The following NOL4L variants were observed in gnomAD, a reference collection of about 807,000 sequenced individuals.
NOL4L encodes the protein nucleolar protein 4-like.
NOL4L carries 7 observed loss-of-function variants against 64.5 expected under a neutral mutation model. That is an observed-to-expected ratio of 0.11 (90% CI 0.06 to 0.20). The LOEUF is 0.20. Ranked by LOEUF, NOL4L falls within the 10% of genes least tolerant of loss-of-function variation. The pLI, the probability that NOL4L is intolerant of heterozygous loss-of-function variation, is 1.00. For synonymous variants in NOL4L, 413 were observed against 401.0 expected, an observed-to-expected ratio of 1.03 and a Z score of -0.36; for missense variants, 680 against 967.1, an observed-to-expected ratio of 0.70 and a Z score of 3.94.
intron 4 of NOL4L, among the ~76,000 whole-genome samples, chr20:32,497,274 T>C (rs1164728743): frequency 2.5e-5 from 3 of 120,542 alleles, no homozygotes; most frequent in African/African-American, 6.4e-5. Context: ...CTCCTGGAGC[T>C]GCTCTTTGCT....
chr20:32,477,029 G>A (rs1204599312), intron 4 of NOL4L, among the ~76,000 whole-genome samples: 1 of 152,194 alleles, frequency 6.6e-6, no homozygotes, highest in African/African-American at 2.4e-5. Flanking sequence ...GGACAGAGGA[G>A]CCACACGAAA....
At chr20:32,472,124 C>A (rs1701010226) in intron 5 of NOL4L, among the ~76,000 whole-genome samples, 1 of 152,246 alleles carries the variant, frequency 6.6e-6, no homozygotes. Context: ...CAGAAACAAA[C>A]AACCCAACTT....
chr20:32,465,557 G>A (rs928060586), intron 5 of NOL4L, among the ~76,000 whole-genome samples: 2 of 152,322 alleles, frequency 1.3e-5, no homozygotes, highest in African/African-American at 2.4e-5. Flanking sequence ...AGCACAGGCG[G>A]TGAGAAATAA....
chr20:32,584,947 C>G lies in NOL4L; in HGVS notation c.-57G>C. On this transcript the variant is annotated 5_prime_UTR_variant, in exon 1 of 11. Transcript: ENST00000621426. ...GGCCGGCCGCCGGGCCGCCCGGTGC[C>G]GGGACTGGGCTGGGCTGGGCTGGAC... 1 of 1,005,196 alleles carries G rather than the reference C, an allele frequency of 9.9e-7. No individual in the cohort carries two copies. Among genetic ancestry groups the G allele is most frequent in the Non-Finnish European group, 1.2e-6 (1 of 828,004 alleles). The allele number at this position is 1,005,196 out of a possible 1,614,324, so 62.3% of individuals were successfully genotyped here.
At chr20:32,580,979 G>A (rs1980433808) in intron 1 of NOL4L, among the ~76,000 whole-genome samples, 2 of 152,252 alleles carry the variant, frequency 1.3e-5, no homozygotes, top group South Asian at 4.1e-4. Flanking sequence ...GAATTGGAGG[G>A]TCTTGTCTCC....
chr20:32,499,419 G>A (rs540791618), intron 4 of NOL4L, among the ~76,000 whole-genome samples: 26 of 152,156 alleles, frequency 1.7e-4, no homozygotes, highest in South Asian at 4.2e-4. Context: ...ACCAAAAAGC[G>A]GATACAAACA....
chr20:32,450,016 A>T (rs556109937), intron 10 of NOL4L: 1 of 152,498 alleles, frequency 6.6e-6, no homozygotes, highest in African/African-American at 2.4e-5. Flanking sequence ...CCTGCAGCTG[A>T]TCTGATCTGG....
intron 4 of NOL4L, chr20:32,475,455 G>T (rs1212099963): frequency 6.6e-6 from 3 of 455,956 alleles, no homozygotes; most frequent in Non-Finnish European, 8.7e-6. Context: ...CAAACAGCCG[G>T]ATGGCCTGCT....
At chr20:32,477,498 C>T (rs2015467618) in intron 4 of NOL4L, among the ~76,000 whole-genome samples, 2 of 152,256 alleles carry the variant, frequency 1.3e-5, no homozygotes, top group Admixed American at 1.3e-4. Flanking sequence ...CCTGGAAAAC[C>T]TTCGGTCCTT....
At chr20:32,527,448 T>C (rs1284530379) in intron 2 of NOL4L, among the ~76,000 whole-genome samples, 1 of 152,062 alleles carries the variant, frequency 6.6e-6, no homozygotes, top group Non-Finnish European at 1.5e-5. Context: ...CTGGGGGTGG[T>C]GTCGGGTGGG....
Position 32,460,626 on chromosome 20 carries a change from G to A in NOL4L, c.842-4231C>T, listed in dbSNP as rs1390907348. ...CCGAGATGGGGCAGGAGCTCAAAAG[G>A]AAACCCCAATTCCCTGCACCCCACA... On this transcript the variant is annotated intron_variant, in intron 5 of 10. Coordinates refer to ENST00000621426, the MANE Select transcript of NOL4L (RefSeq NM_001256798.2). This position sits in a 1 kb window ranked among gnomAD's most constrained non-coding sequence, Gnocchi z 5.7. Among the ~76,000 whole-genome samples, 61 of 152,180 alleles carry A rather than the reference G, an allele frequency of 4.0e-4. No homozygotes were observed. Among genetic ancestry groups the A allele is most frequent in the Admixed American group, 4.0e-3 (61 of 15,280 alleles).
intron 1 of NOL4L, among the ~76,000 whole-genome samples, chr20:32,578,628 G>A (rs1009146592): frequency 1.3e-5 from 2 of 152,148 alleles, no homozygotes; most frequent in African/African-American, 2.4e-5. Flanking sequence ...GAGTGAGCAG[G>A]GTGGCCTCAA....
rs769028955 is a variant in NOL4L, at chr20:32,456,260, G to T, written c.977C>A (p.Thr326Lys). ...NGAVAPMDFT[T>K]AAEDQPINLC... ...GTTGATGGGCTGATCCTCGGCGGCC[G>T]TGGTGAAGTCCATGGGGGCCACGGC... Residue 326 changes from threonine to lysine, a missense_variant, in exon 6 of 11, where the codon ACG becomes AAG. Physicochemically the swap from Thr to Lys is moderately conservative, Grantham distance 78 (BLOSUM62 -1). This residue lies in a region of NOL4L where 254 missense variants were observed against 238.7 expected (regional missense o/e 1.06). Coordinates refer to ENST00000621426, the MANE Select transcript of NOL4L (RefSeq NM_001256798.2). 8 of 1,604,110 alleles carry T rather than the reference G, an allele frequency of 5.0e-6. No individual in the cohort carries two copies. Among genetic ancestry groups the T allele is most frequent in the Non-Finnish European group, 6.8e-6 (8 of 1,175,546 alleles).
intron 4 of NOL4L, among the ~76,000 whole-genome samples, chr20:32,506,337 G>A (rs979813292): frequency 3.3e-5 from 5 of 151,768 alleles, no homozygotes; most frequent in East Asian, 1.9e-4. Flanking sequence ...CCTCACCCAG[G>A]CCCTCTCTGC....
chr20:32,460,256 C>T lies in NOL4L; in HGVS notation c.842-3861G>A, dbSNP rs2013919286. On this transcript the variant is annotated intron_variant, in intron 5 of 10. Coordinates refer to ENST00000621426, the MANE Select transcript of NOL4L (RefSeq NM_001256798.2). The surrounding 1 kb of genome is among the most constrained non-coding windows in gnomAD (Gnocchi z 5.7). ...CAGCCCCTTTGCCCTAGTTTATAGG[C>T]TCTATCTGCCATTATCTCATTTTCT... Among the ~76,000 whole-genome samples, 1 of 152,206 alleles carries T rather than the reference C, an allele frequency of 6.6e-6. No individual in the cohort carries two copies. The highest frequency in any genetic ancestry group is 1.5e-5 in the Non-Finnish European group (1 of 68,042).
At position 32,447,599 on chromosome 20, in the gene NOL4L, G is replaced by C. The variant is rs1333175732; in HGVS notation, c.2040C>G (p.Asn680Lys). Residue 680 changes from asparagine to lysine, a missense_variant, in exon 11 of 11, where the codon AAC (asparagine) becomes AAG (lysine). Physicochemically the swap from Asn to Lys is moderately conservative, Grantham distance 94. Coordinates refer to ENST00000621426, the MANE Select transcript of NOL4L (RefSeq NM_001256798.2). ...TGCGCTCCAGGTGCCGGTGGGGTCAGTTCTGCTGTAGGATGAGGTTTTCCA... is the reference window on the plus strand; with the variant it reads ...TGCGCTCCAGGTGCCGGTGGGGTCACTTCTGCTGTAGGATGAGGTTTTCCA... ...DELENLILQQ[N>K] 6.3e-7 allele frequency: 1 copy of C among 1,597,224 alleles called. No homozygotes were observed. Among genetic ancestry groups the C allele is most frequent in the East Asian group, 2.2e-5 (1 of 44,780 alleles).
Position 32,474,694 on chromosome 20 carries a change from A to C in NOL4L, c.748T>G (p.Trp250Gly). 6.2e-7 allele frequency: 1 copy of C among 1,613,798 alleles called. No homozygotes were observed. Among genetic ancestry groups the C allele is most frequent in the Non-Finnish European group, 8.5e-7 (1 of 1,179,962 alleles). ...GCCAGGTGCGGGTCAGCTGACATCC[A>C]TGTGGAGTCGCTCATATCAAAATCC... The part of the protein sequence containing the change: ...SEDFDMSDST[W>G]MSADPHLASS... Residue 250 changes from tryptophan (W) to glycine (G), a missense_variant, in exon 5 of 11, where the codon TGG (tryptophan) becomes GGG (glycine). Physicochemically the swap from Trp to Gly is radical, Grantham distance 184. Around this residue, in one of 4 missense-constraint regions of NOL4L, gnomAD observed 254 missense variants for 238.7 expected, o/e 1.06. Coordinates refer to ENST00000621426, the MANE Select transcript of NOL4L (RefSeq NM_001256798.2).
intron 4 of NOL4L, among the ~76,000 whole-genome samples, chr20:32,501,256 C>T (rs1011948045): frequency 1.3e-4 from 20 of 152,234 alleles, no homozygotes; most frequent in African/African-American, 4.1e-4. Context: ...CCCATAACCC[C>T]GGTTTTATAT....
intron 1 of NOL4L, 69 bp from the exon 2 acceptor site, chr20:32,527,982 C>T (rs1407171796): frequency 1.1e-5 from 13 of 1,150,292 alleles, no homozygotes; most frequent in South Asian, 1.4e-5. Context: ...GCCCTGAGGC[C>T]GGGGCAAGGG....
Sources: allele counts gnomAD v4.1 joint callset (sites outside exome capture counted in the v4.1 genomes callset), GRCh38; gene constraint gnomAD v4.1.1; regional missense constraint gnomAD v4.1.1; non-coding constraint Gnocchi (gnomAD v3.1); transcripts MANE v1.5; gene names NCBI Gene and HGNC (gene_info 2026-07-23, HGNC 2026-07-21).